Variants in HMGCLL1 observed in about 807,000 individuals in gnomAD.
The protein encoded by HMGCLL1 is 3-hydroxy-3-methylglutaryl-CoA lyase like 1, also known as 3-hydroxymethyl-3-methylglutaryl-CoA lyase, cytoplasmic.
HMGCLL1 carries 36 observed loss-of-function variants against 39.1 expected under a neutral mutation model. The ratio of observed to expected loss-of-function variants is 0.92; its 90% confidence interval spans 0.71 to 1.22. HMGCLL1 has a LOEUF of 1.22. Among genes scored for constraint, HMGCLL1 ranks in the 50% most tolerant of loss-of-function variants. The pLI, the probability that HMGCLL1 is intolerant of heterozygous loss-of-function variation, is 0.00. For synonymous variants in HMGCLL1, 149 were observed against 144.0 expected, an observed-to-expected ratio of 1.03 and a Z score of -0.25; for missense variants, 451 against 416.5, an observed-to-expected ratio of 1.08 and a Z score of -0.72.
intron 1 of HMGCLL1, among the ~76,000 whole-genome samples, chr6:55,572,844 A>G (rs1253589872): frequency 1.3e-5 from 2 of 152,246 alleles, no homozygotes; most frequent in Non-Finnish European, 2.9e-5. Flanking sequence ...AATATTAATG[A>G]AAACCTAATA....
chr6:55,484,123 T>C (rs1259705388), intron 7 of HMGCLL1, among the ~76,000 whole-genome samples: 1 of 152,172 alleles, frequency 6.6e-6, no homozygotes, highest in Non-Finnish European at 1.5e-5. Context: ...TACCTCTTCT[T>C]GGAGTATTAA....
At chr6:55,471,537 T>C (rs895327808) in intron 7 of HMGCLL1, among the ~76,000 whole-genome samples, 1 of 151,786 alleles carries the variant, frequency 6.6e-6, no homozygotes, top group African/African-American at 2.4e-5. Context: ...CTGGCTTTTC[T>C]ATTTTTGCCA....
chr6:55,678,101 A>G, the HMGCLL1 span, among the ~76,000 whole-genome samples: 2 of 152,180 alleles, frequency 1.3e-5, no homozygotes, highest in African/African-American at 2.4e-5. Context: ...GGAAGCTACC[A>G]TGTATGAAAA....
the HMGCLL1 span, among the ~76,000 whole-genome samples, chr6:55,673,629 A>G: frequency 6.6e-6 from 1 of 151,996 alleles, no homozygotes; most frequent in African/African-American, 2.4e-5. Flanking sequence ...TATTGCTAAG[A>G]TTAATAATTT....
At chr6:55,459,867 A>G (rs1764481863) in intron 7 of HMGCLL1, among the ~76,000 whole-genome samples, 1 of 152,024 alleles carries the variant, frequency 6.6e-6, no homozygotes, top group African/African-American at 2.4e-5. Flanking sequence ...ATATATCTGT[A>G]TCTGGCTATA....
intron 1 of HMGCLL1, among the ~76,000 whole-genome samples, chr6:55,546,850 G>A (rs537975440): frequency 4.6e-5 from 7 of 151,906 alleles, no homozygotes; most frequent in Admixed American, 6.6e-5. Context: ...TGATACTAGC[G>A]AAAAAACAAA....
chr6:55,499,100 C>T, intron 6 of HMGCLL1, 136 bp downstream of exon 6: 1 of 579,976 alleles, frequency 1.7e-6, no homozygotes. Flanking sequence ...GTTAAGTGAT[C>T]AAATATGTCT....
At chr6:55,564,197 A>AT (rs201729825) in intron 1 of HMGCLL1, among the ~76,000 whole-genome samples, 2 of 151,754 alleles carry the variant, frequency 1.3e-5, no homozygotes, top group South Asian at 2.1e-4. Context: ...CCTTGTCATT[A>AT]TTTTTTTCAT....
chr6:55,674,719 AG>A, the HMGCLL1 span, among the ~76,000 whole-genome samples: 1 of 152,222 alleles, frequency 6.6e-6, no homozygotes, highest in African/African-American at 2.4e-5. Context: ...CAAGGGTAAT[AG>A]GACCTGTGAG....
At chr6:55,632,047 G>A in the HMGCLL1 span, among the ~76,000 whole-genome samples, 1 of 151,976 alleles carries the variant, frequency 6.6e-6, no homozygotes, top group African/African-American at 2.4e-5. Context: ...GTTTTGCTTT[G>A]TTTTTAAAAT....
In HMGCLL1 at chr6:55,541,777, C is replaced by T; in HGVS notation, c.249G>A (p.Leu83=). Residue 83 remains leucine, a synonymous_variant, in exon 3 of 9, where the codon TTG becomes TTA. Coordinates refer to ENST00000274901, the MANE Select transcript of HMGCLL1 (RefSeq NM_001042406.2). ...CAAAGCTAGTCACTTCTATTACAGACAAGCCAGTTTGGGAAAGTCGATTGA... is the reference window on the plus strand; with the variant it reads ...CAAAGCTAGTCACTTCTATTACAGATAAGCCAGTTTGGGAAAGTCGATTGA... ...EFINRLSQTG[L]SVIEVTSFVS... The T allele has an allele frequency of 6.2e-7, 1 of 1,610,430 alleles. No individual in the cohort carries two copies. The highest frequency in any genetic ancestry group is 8.5e-7 in the Non-Finnish European group (1 of 1,178,078).
At chr6:55,571,577 A>G (rs1461028867) in intron 1 of HMGCLL1, among the ~76,000 whole-genome samples, 1 of 151,998 alleles carries the variant, frequency 6.6e-6, no homozygotes, top group Non-Finnish European at 1.5e-5. Flanking sequence ...AGGCCGGGGC[A>G]GGCAGATCAC....
At chr6:55,463,403 T>C (rs12212707) in intron 7 of HMGCLL1, among the ~76,000 whole-genome samples, 20,133 of 152,086 alleles carry the variant, frequency 0.13, 1,605 homozygotes, top group Non-Finnish European at 0.18. Context: ...AATTGCATGG[T>C]TATTTAAAAA....
At chr6:55,641,036 A>G in the HMGCLL1 span, among the ~76,000 whole-genome samples, 75 of 151,990 alleles carry the variant, frequency 4.9e-4, no homozygotes, top group East Asian at 0.014. Flanking sequence ...CCATTAAGAA[A>G]TAAATTAGAG....
intron 7 of HMGCLL1, among the ~76,000 whole-genome samples, chr6:55,488,338 A>G (rs7756201): frequency 0.68 from 103,278 of 151,818 alleles, 35,127 homozygotes; most frequent in Non-Finnish European, 0.7. Context: ...AGTACAAGAA[A>G]TTTTGAATGT....
At chr6:55,514,832 C>CAA (rs1466818237) in intron 4 of HMGCLL1, among the ~76,000 whole-genome samples, 5 of 152,104 alleles carry the variant, frequency 3.3e-5, no homozygotes, top group African/African-American at 1.2e-4. Context: ...ATTCCTTCTT[C>CAA]CAGGCTCTCC....
chr6:55,615,384 G>C, the HMGCLL1 span, among the ~76,000 whole-genome samples: 6 of 152,106 alleles, frequency 3.9e-5, no homozygotes, highest in Admixed American at 3.9e-4. Flanking sequence ...CTAGCAGTTG[G>C]GAAAATACTG....
intron 7 of HMGCLL1, among the ~76,000 whole-genome samples, chr6:55,475,938 T>G (rs1469229599): frequency 1.3e-5 from 2 of 151,710 alleles, no homozygotes; most frequent in East Asian, 3.9e-4. Flanking sequence ...CTTTTCTTTG[T>G]GGTCTATATG....
At chr6:55,661,812 C>A in the HMGCLL1 span, among the ~76,000 whole-genome samples, 2 of 151,658 alleles carry the variant, frequency 1.3e-5, no homozygotes, top group Admixed American at 6.6e-5. Context: ...GGCAGTATTG[C>A]CATTTTAGTG....
Sources: gnomAD v4.1 joint callset for allele counts (sites outside exome capture counted in the v4.1 genomes callset) on GRCh38, gnomAD v4.1.1 for gene constraint, MANE v1.5 for transcripts, NCBI Gene and HGNC (gene_info 2026-07-23, HGNC 2026-07-21) for gene names.